Variants in ATXN7L1 observed in about 807,000 individuals in gnomAD.
ATXN7L1 encodes ataxin-7-like protein 1.
A neutral mutation model predicts 70.8 loss-of-function variants in ATXN7L1; 15 were observed. The ratio of observed to expected loss-of-function variants is 0.21; its 90% CI spans 0.14 to 0.33. The LOEUF (loss-of-function observed/expected upper bound fraction) is 0.33. Ranked by LOEUF, ATXN7L1 falls within the 10% of genes least tolerant of loss-of-function variation. ATXN7L1 has a pLI of 1.00. For synonymous variants in ATXN7L1, 440 were observed against 445.1 expected (o/e 0.99, Z 0.14); for missense variants, 975 against 1,097.1 (o/e 0.89, Z 1.57).
At chr7:105,607,944 C>A (rs1026754657) in intron 11 of ATXN7L1, 54 bp from the exon 12 acceptor site, 1 of 1,471,854 alleles carries the variant, frequency 6.8e-7, no homozygotes, top group South Asian at 1.2e-5. Context: ...TGAGATTACC[C>A]ATGAGAATTC....
At chr7:105,860,960 G>A (rs1816540467) in intron 2 of ATXN7L1, among the ~76,000 whole-genome samples, 1 of 152,202 alleles carries the variant, frequency 6.6e-6, no homozygotes, top group African/African-American at 2.4e-5. Flanking sequence ...GAGATTTGGG[G>A]GCAAAGTACA....
At chr7:105,679,751 C>G (rs1245282500) in intron 3 of ATXN7L1, among the ~76,000 whole-genome samples, 1 of 151,918 alleles carries the variant, frequency 6.6e-6, no homozygotes, top group Admixed American at 6.6e-5. Flanking sequence ...GACAGAAAGC[C>G]GACTTGTGGT....
At chr7:105,610,811 G>A (rs1490086464) in intron 10 of ATXN7L1, among the ~76,000 whole-genome samples, 1 of 152,236 alleles carries the variant, frequency 6.6e-6, no homozygotes, top group African/African-American at 2.4e-5. Context: ...CCTTCCCAGA[G>A]GAAAAGTAGA....
Position 105,613,966 on chromosome 7 carries a change from A to G in ATXN7L1, c.2368T>C (p.Cys790Arg). ...RKNSSSSSKACKITKMPGMNS... is the reference protein window; with the variant it reads ...RKNSSSSSKARKITKMPGMNS... ...ATACCAGGCATTTTAGTGATTTTAC[A>G]GGCTTTGCTACTAGAACTCGAGTTC... The change falls in exon 10 of 12, where the codon TGT becomes CGT. Residue 790 changes from cysteine to arginine, a missense_variant. Cys to Arg is a radical substitution (Grantham distance 180). Coordinates refer to ENST00000419735, the MANE Select transcript of ATXN7L1 (RefSeq NM_020725.2). The G allele has an allele frequency of 1.9e-6, 3 of 1,552,330 alleles. No homozygotes were observed. Among genetic ancestry groups the G allele is most frequent in the Non-Finnish European group, 2.6e-6 (3 of 1,147,138 alleles).
Position 105,614,789 on chromosome 7 carries a change from G to C in ATXN7L1, c.1545C>G (p.Pro515=). Residue 515 remains proline, a synonymous_variant, in exon 10 of 12, where the codon CCC becomes CCG. Transcript: ENST00000419735. This position sits in a 1 kb window ranked among gnomAD's most constrained non-coding sequence, Gnocchi z 4.3. The part of the protein sequence containing the change: ...WKKIPPAADS[P]LPSPAAHITT... ...TGATGTGGGCTGCTGGCGAGGGCAG[G>C]GGGCTATCTGCCGCAGGAGGGATCT... is the stretch of plus-strand genomic sequence containing the variant. 6.4e-7 allele frequency: 1 copy of C among 1,551,172 alleles called. No individual in the cohort carries two copies. Among genetic ancestry groups the C allele is most frequent in the Non-Finnish European group, 8.7e-7 (1 of 1,146,646 alleles).
intron 3 of ATXN7L1, among the ~76,000 whole-genome samples, chr7:105,745,673 G>A (rs1798506405): frequency 6.6e-6 from 1 of 152,220 alleles, no homozygotes; most frequent in Non-Finnish European, 1.5e-5. Flanking sequence ...AGTGGCAGGT[G>A]CAACCGATCC....
At chr7:105,767,311 A>C (rs1388615294) in intron 3 of ATXN7L1, among the ~76,000 whole-genome samples, 1 of 151,848 alleles carries the variant, frequency 6.6e-6, no homozygotes, top group Admixed American at 6.6e-5. Context: ...GGTCCACCTG[A>C]GCAAAACCCG....
intron 2 of ATXN7L1, among the ~76,000 whole-genome samples, chr7:105,863,517 G>A (rs1412546081): frequency 1.3e-5 from 2 of 152,220 alleles, no homozygotes; most frequent in African/African-American, 4.8e-5. Flanking sequence ...AGAAGCCCAC[G>A]TGAGCCCCTC....
chr7:105,783,688 T>C (rs541817424), intron 3 of ATXN7L1, among the ~76,000 whole-genome samples: 2 of 152,348 alleles, frequency 1.3e-5, no homozygotes, highest in East Asian at 3.9e-4. Flanking sequence ...CTTCCAGACC[T>C]CACCCTATTA....
At chr7:105,760,688 G>A in intron 3 of ATXN7L1, 1 of 470,142 alleles carries the variant, frequency 2.1e-6, no homozygotes, top group Non-Finnish European at 2.8e-6. Context: ...AACATATAAG[G>A]GAGAGCTCAT....
Position 105,614,163 on chromosome 7 carries a change from C to T in ATXN7L1, c.2171G>A (p.Gly724Asp). 1 of 1,551,678 alleles carries T rather than the reference C, an allele frequency of 6.4e-7. No homozygotes were observed. Among genetic ancestry groups the T allele is most frequent in the Admixed American group, 2.0e-5 (1 of 51,006 alleles). ...LEPSGRTSLP[G>D]GPADIVRQVG... ...CTGTCTCACTATGTCCGCGGGGCCGCCGGGCAGCGAGGTCCGTCCTGAGGG... is the reference window on the plus strand; with the variant it reads ...CTGTCTCACTATGTCCGCGGGGCCGTCGGGCAGCGAGGTCCGTCCTGAGGG... Residue 724 changes from glycine (G) to aspartate (D), a missense_variant, in exon 10 of 12, where the codon GGC becomes GAC. This residue lies in a region of ATXN7L1 where 635 missense variants were observed against 699.4 expected (regional missense o/e 0.91). Transcript: ENST00000419735. This position sits in a 1 kb window ranked among gnomAD's most constrained non-coding sequence, Gnocchi z 4.3.
At chr7:105,633,150 A>G (rs954174580) in intron 7 of ATXN7L1, among the ~76,000 whole-genome samples, 1 of 152,166 alleles carries the variant, frequency 6.6e-6, no homozygotes, top group East Asian at 1.9e-4. Flanking sequence ...TAGATTATCA[A>G]TTTAAGTGTG....
intron 3 of ATXN7L1, among the ~76,000 whole-genome samples, chr7:105,775,750 G>A (rs996024089): frequency 6.6e-6 from 1 of 152,216 alleles, no homozygotes; most frequent in Admixed American, 6.5e-5. Context: ...GGGTGAGCTA[G>A]TGTCTAGGCC....
Position 105,791,526 on chromosome 7 carries a change from C to G in ATXN7L1, c.251-2818G>C, listed in dbSNP as rs533694436. Among the ~76,000 whole-genome samples, 7 of 152,298 alleles carry G rather than the reference C, an allele frequency of 4.6e-5. No individual in the cohort carries two copies. In the South Asian group the frequency reaches 1.5e-3, roughly 32 times the overall value. On this transcript the variant is annotated intron_variant, in intron 2 of 11. Transcript: ENST00000419735. Reference sequence around the variant, plus strand: ...CCTTCTTGGGCCTTAACTGTTGACACAGCTCTCGATTTGCTTTTAATTTAC... The same window carrying G: ...CCTTCTTGGGCCTTAACTGTTGACAGAGCTCTCGATTTGCTTTTAATTTAC...
At chr7:105,764,443 T>C (rs1171934495) in intron 3 of ATXN7L1, among the ~76,000 whole-genome samples, 1 of 152,180 alleles carries the variant, frequency 6.6e-6, no homozygotes, top group Non-Finnish European at 1.5e-5. Flanking sequence ...AACCCAGATC[T>C]ACTGAATCAG....
At chr7:105,819,829 A>G (rs1320153715) in intron 2 of ATXN7L1, 3 of 627,176 alleles carry the variant, frequency 4.8e-6, no homozygotes, top group Non-Finnish European at 9.2e-6. Context: ...GCCCTATGAC[A>G]TGAAAAAGCG....
chr7:105,792,472 C>T (rs530200145), intron 2 of ATXN7L1, among the ~76,000 whole-genome samples: 4 of 151,604 alleles, frequency 2.6e-5, no homozygotes, highest in African/African-American at 7.3e-5. Flanking sequence ...TAGAGCAATG[C>T]GGGCTGGGGG....
chr7:105,754,904 C>T (rs1287873191), intron 3 of ATXN7L1, among the ~76,000 whole-genome samples: 1 of 152,230 alleles, frequency 6.6e-6, no homozygotes, highest in Non-Finnish European at 1.5e-5. Context: ...TCTTCCCAAA[C>T]ATGACTTGAG....
intron 2 of ATXN7L1, among the ~76,000 whole-genome samples, chr7:105,869,801 C>CT (rs966105646): frequency 7.1e-4 from 107 of 150,118 alleles, no homozygotes; most frequent in African/African-American, 2.5e-3. Context: ...CTATTCAGGA[C>CT]TTTTTTTTTT....
Sources: allele counts gnomAD v4.1 joint callset (sites outside exome capture counted in the v4.1 genomes callset), GRCh38; gene constraint gnomAD v4.1.1; regional missense constraint gnomAD v4.1.1; non-coding constraint Gnocchi (gnomAD v3.1); transcripts MANE v1.5; gene names NCBI Gene and HGNC (gene_info 2026-07-23, HGNC 2026-07-21).